Variants in UTRN observed in about 807,000 individuals in gnomAD.
UTRN encodes utrophin.
Under a neutral mutation model 463.9 loss-of-function variants are expected in UTRN, and 283 were observed. That is an observed-to-expected ratio of 0.61 (90% CI 0.55 to 0.67). The LOEUF (loss-of-function observed/expected upper bound fraction) is 0.67, where lower values mean the gene tolerates loss of function less well. Among genes scored for constraint, UTRN ranks in the 30% least tolerant of loss-of-function variants. The pLI is 0.00. For missense variants in UTRN, 3,922 were observed against 4,084.3 expected (o/e 0.96, Z 1.08); for synonymous variants, 1,442 against 1,431.5 (o/e 1.01, Z -0.17).
intron 43 of UTRN, among the ~76,000 whole-genome samples, chr6:144,536,576 T>C (rs959592718): frequency 6.6e-6 from 1 of 152,124 alleles, no homozygotes; most frequent in African/African-American, 2.4e-5. Flanking sequence ...AGAAGTATTA[T>C]CTAATATTTT....
chr6:144,556,806 C>G (rs764281486), intron 49 of UTRN, among the ~76,000 whole-genome samples: 6 of 152,180 alleles, frequency 3.9e-5, no homozygotes, highest in Non-Finnish European at 7.3e-5. Context: ...CAGGAACTGT[C>G]TCTGTATTCA....
chr6:144,453,280 G>A (rs751530258), intron 18 of UTRN, among the ~76,000 whole-genome samples: 39 of 151,848 alleles, frequency 2.6e-4, no homozygotes, highest in Non-Finnish European at 4.9e-4. Context: ...ACGCCACCAC[G>A]CTTGGCTAAT....
chr6:144,809,251 A>C (rs949707099), intron 65 of UTRN, among the ~76,000 whole-genome samples: 1 of 152,164 alleles, frequency 6.6e-6, no homozygotes, highest in Admixed American at 6.6e-5. Context: ...TACTAGGGTC[A>C]ATCTTGAGTC....
intron 51 of UTRN, among the ~76,000 whole-genome samples, chr6:144,665,388 A>G (rs1041685458): frequency 1.3e-5 from 2 of 152,176 alleles, no homozygotes; most frequent in Non-Finnish European, 2.9e-5. Flanking sequence ...TTTATAATGT[A>G]TATCACATAA....
chr6:144,753,741 C>T (rs1243073735), intron 56 of UTRN, among the ~76,000 whole-genome samples: 3 of 150,618 alleles, frequency 2.0e-5, no homozygotes, highest in African/African-American at 4.9e-5. Flanking sequence ...ATTGCACATG[C>T]GTGTAGTCCC....
rs1792199506 is a variant in UTRN at position 144,757,934 on chromosome 6, G to C, written c.8440G>C (p.Val2814Leu). 2 of 1,610,350 alleles carry C rather than the reference G, an allele frequency of 1.2e-6. No individual in the cohort carries two copies. Among genetic ancestry groups the C allele is most frequent in the Non-Finnish European group, 1.7e-6 (2 of 1,177,894 alleles). The change falls in exon 58 of 75, where the codon GTC becomes CTC. Residue 2814 changes from valine to leucine, a missense_variant. Val to Leu is a conservative substitution (Grantham distance 32). Coordinates refer to ENST00000367545, the MANE Select transcript of UTRN (RefSeq NM_007124.3). ...PSSQHFLSTS[V>L]QLPWQRSISH... is the part of the protein sequence containing the mutation. ...ATCTCCCTTTGTTTCCTCAGCGTCA[G>C]TCCAGCTGCCGTGGCAAAGATCCAT...
chr6:144,715,469 G>A (rs1786302297), intron 53 of UTRN, among the ~76,000 whole-genome samples: 1 of 152,088 alleles, frequency 6.6e-6, no homozygotes. Flanking sequence ...GGTCTGCAAG[G>A]CCCTGCCTGA....
intron 52 of UTRN, among the ~76,000 whole-genome samples, chr6:144,688,939 G>A (rs1321000872): frequency 6.6e-6 from 1 of 152,118 alleles, no homozygotes; most frequent in African/African-American, 2.4e-5. Context: ...CTTGACAGAG[G>A]CAGCTAGGGG....
At chr6:144,391,999 T>C (rs1198249635) in intron 2 of UTRN, among the ~76,000 whole-genome samples, 1 of 152,260 alleles carries the variant, frequency 6.6e-6, no homozygotes, top group Non-Finnish European at 1.5e-5. Flanking sequence ...TAGAGCTGTA[T>C]AATTTGGTGC....
At chr6:144,429,887 C>A in intron 9 of UTRN, 146 bp downstream of exon 9, 2 of 783,246 alleles carry the variant, frequency 2.6e-6, no homozygotes, top group South Asian at 2.0e-5. Context: ...TTCAGCTTAG[C>A]AGTTAGCATT....
At chr6:144,675,711 C>A (rs550780859) in intron 51 of UTRN, among the ~76,000 whole-genome samples, 53 of 152,162 alleles carry the variant, frequency 3.5e-4, no homozygotes, top group Non-Finnish European at 5.7e-4. Context: ...GGCTGTAAAA[C>A]TCCCAAGAGC....
intron 51 of UTRN, among the ~76,000 whole-genome samples, chr6:144,660,916 G>C (rs1366435628): frequency 1.3e-5 from 2 of 152,208 alleles, no homozygotes; most frequent in Non-Finnish European, 2.9e-5. Flanking sequence ...GCACAATCTA[G>C]ATGGAGTCTA....
chr6:144,841,922 C>G (rs932909182), intron 73 of UTRN, among the ~76,000 whole-genome samples: 1 of 151,590 alleles, frequency 6.6e-6, no homozygotes, highest in Non-Finnish European at 1.5e-5. Flanking sequence ...CCAGTCTGAC[C>G]AACATGGTGA....
intron 23 of UTRN, among the ~76,000 whole-genome samples, chr6:144,466,186 T>C (rs559910983): frequency 1.3e-5 from 2 of 152,248 alleles, no homozygotes; most frequent in African/African-American, 2.4e-5. Flanking sequence ...ATAGTCCAGA[T>C]AGAGTTTGGA....
intron 51 of UTRN, chr6:144,660,047 A>G (rs1440484530): frequency 5.7e-6 from 2 of 353,478 alleles, no homozygotes; most frequent in Non-Finnish European, 1.2e-5. Flanking sequence ...GGGTGGCTAA[A>G]ATGTCCCAGC....
chr6:144,530,064 A>G (rs1008513592), intron 41 of UTRN, among the ~76,000 whole-genome samples: 2 of 152,314 alleles, frequency 1.3e-5, no homozygotes, highest in East Asian at 1.9e-4. Context: ...ACTTTGCTGT[A>G]TTTAGGTAAA....
intron 51 of UTRN, among the ~76,000 whole-genome samples, chr6:144,591,299 G>T (rs535407917): frequency 6.6e-6 from 1 of 152,114 alleles, no homozygotes; most frequent in Non-Finnish European, 1.5e-5. Flanking sequence ...CAGTGAAGGA[G>T]AAAATAAATC....
At chr6:144,505,873 A>G (rs746441064) in intron 34 of UTRN, among the ~76,000 whole-genome samples, 1 of 152,040 alleles carries the variant, frequency 6.6e-6, no homozygotes, top group Non-Finnish European at 1.5e-5. Flanking sequence ...TCCCCCTATT[A>G]TTGTGTGGAA....
chr6:144,523,342 C>G (rs945046519), intron 41 of UTRN, among the ~76,000 whole-genome samples, 154 bp downstream of exon 41: 1 of 151,942 alleles, frequency 6.6e-6, no homozygotes, highest in African/African-American at 2.4e-5. Context: ...AGGAGTCTTG[C>G]TCTGTCACCC....
Sources: allele counts gnomAD v4.1 joint callset (sites outside exome capture counted in the v4.1 genomes callset), GRCh38; gene constraint gnomAD v4.1.1; transcripts MANE v1.5; gene names NCBI Gene and HGNC (gene_info 2026-07-23, HGNC 2026-07-21).